Variants in APBA1 observed in about 807,000 individuals in gnomAD.
APBA1 encodes amyloid-beta A4 precursor protein-binding family A member 1.
APBA1 carries 55 observed loss-of-function variants against 86.6 expected under a neutral mutation model. That is an observed-to-expected ratio of 0.64 (90% CI 0.51 to 0.80). The LOEUF (loss-of-function observed/expected upper bound fraction) is 0.80. Among genes scored for constraint, APBA1 ranks in the 30% least tolerant of loss-of-function variants. The pLI, the probability that APBA1 is intolerant of heterozygous loss-of-function variation, is 0.00. For missense variants in APBA1, 1,090 were observed against 1,183.0 expected, an observed-to-expected ratio of 0.92 and a Z score of 1.15; for synonymous variants, 511 against 493.9, an observed-to-expected ratio of 1.03 and a Z score of -0.46.
At chr9:69,546,661 C>T (rs976538320) in intron 1 of APBA1, among the ~76,000 whole-genome samples, 3 of 152,164 alleles carry the variant, frequency 2.0e-5, no homozygotes, top group African/African-American at 4.8e-5. Context: ...ATGTTAAATA[C>T]ACATGGTGGG....
At chr9:69,562,345 C>T (rs1427071374) in intron 1 of APBA1, among the ~76,000 whole-genome samples, 1 of 151,692 alleles carries the variant, frequency 6.6e-6, no homozygotes, top group Non-Finnish European at 1.5e-5. Flanking sequence ...ATTACTAGTA[C>T]CTTCATATAT....
intron 10 of APBA1, among the ~76,000 whole-genome samples, chr9:69,443,900 T>TC (rs1272706111): frequency 2.0e-5 from 3 of 152,170 alleles, no homozygotes; most frequent in East Asian, 3.9e-4. Flanking sequence ...CAAATCTGTG[T>TC]CCCCAAATTC....
chr9:69,431,070 T>G lies in APBA1; in HGVS notation c.*257A>C. 5.1e-6 allele frequency: 2 copies of G among 394,350 alleles called. No individual in the cohort carries two copies. The highest frequency in any genetic ancestry group is 1.2e-4 in the South Asian group (2 of 16,898). The allele number at this position is 394,350 out of a possible 1,614,324, so 24.4% of individuals were successfully genotyped here. The stretch of plus-strand genomic sequence containing the variant: ...CCCAGAAAGCCCTCCAGGATGGTCC[T>G]GGGTCAGTACCAGGTGGGTGCTGGC... On this transcript the variant is annotated 3_prime_UTR_variant, in exon 13 of 13. Transcript: ENST00000265381.
chr9:69,457,174 C>T (rs774389373), intron 6 of APBA1, 35 bp from the exon 7 acceptor site: 3 of 1,534,364 alleles, frequency 2.0e-6, no homozygotes, highest in South Asian at 2.2e-5. Flanking sequence ...GAAAGTTTGA[C>T]CACACTACCC....
intron 1 of APBA1, among the ~76,000 whole-genome samples, chr9:69,547,401 G>C (rs1027749831): frequency 6.6e-6 from 1 of 152,142 alleles, no homozygotes; most frequent in Non-Finnish European, 1.5e-5. Flanking sequence ...TCAGCAGTCA[G>C]CTTCTTTTAG....
At chr9:69,462,042 A>C (rs1216002358) in intron 5 of APBA1, 1 of 152,230 alleles carries the variant, frequency 6.6e-6, no homozygotes, top group Non-Finnish European at 1.5e-5. Context: ...TCTTTGGGAC[A>C]GGCTAGTTAA....
intron 5 of APBA1, among the ~76,000 whole-genome samples, chr9:69,466,756 C>T (rs2133827328): frequency 6.6e-6 from 1 of 152,350 alleles, no homozygotes; most frequent in East Asian, 1.9e-4. Context: ...TGCGGTCTAC[C>T]TGTCCCTCTT....
chr9:69,603,631 G>C (rs1047380660), intron 1 of APBA1, among the ~76,000 whole-genome samples: 9 of 152,228 alleles, frequency 5.9e-5, no homozygotes, highest in Admixed American at 5.9e-4. Flanking sequence ...AAAAGTAAAT[G>C]AAGAAAGAGA....
chr9:69,624,807 G>A (rs1822897752), intron 1 of APBA1, among the ~76,000 whole-genome samples: 1 of 152,166 alleles, frequency 6.6e-6, no homozygotes, highest in Non-Finnish European at 1.5e-5. Flanking sequence ...CAGGTGCAAA[G>A]GTGAGTTTAG....
At chr9:69,570,668 T>C (rs1443820958) in intron 1 of APBA1, among the ~76,000 whole-genome samples, 1 of 152,196 alleles carries the variant, frequency 6.6e-6, no homozygotes, top group Non-Finnish European at 1.5e-5. Context: ...TTTGAGAGAA[T>C]AGCCCCCTTT....
intron 1 of APBA1, among the ~76,000 whole-genome samples, chr9:69,552,398 C>T (rs1019689786): frequency 1.3e-5 from 2 of 152,146 alleles, no homozygotes; most frequent in African/African-American, 4.8e-5. Flanking sequence ...TGAAGATGTC[C>T]TGCACGAAAA....
At chr9:69,529,820 T>C (rs1329604521) in intron 1 of APBA1, among the ~76,000 whole-genome samples, 1 of 151,990 alleles carries the variant, frequency 6.6e-6, no homozygotes, top group East Asian at 1.9e-4. Flanking sequence ...ATATCCAGAA[T>C]CCACAAGGAA....
In APBA1 at chr9:69,605,584, G is replaced by A. The variant is rs78097850; in HGVS notation, c.-70+66569C>T. 3.1e-3 allele frequency among the ~76,000 whole-genome samples: 474 copies of A among 152,260 alleles called. 4 individuals are homozygous for A. Among genetic ancestry groups the A allele is most frequent in the Non-Finnish European group, 5.4e-3 (367 of 68,020 alleles). On this transcript the variant is annotated intron_variant, in intron 1 of 12. Coordinates refer to ENST00000265381, the MANE Select transcript of APBA1 (RefSeq NM_001163.4). The stretch of plus-strand genomic sequence containing the variant: ...TTTATTGTCACAAATGTTAGCTTAC[G>A]TTGTCATTTGGTCTTGGCTGTAAGG...
intron 9 of APBA1, among the ~76,000 whole-genome samples, chr9:69,451,083 C>A (rs1835000101): frequency 6.6e-6 from 1 of 152,210 alleles, no homozygotes; most frequent in Non-Finnish European, 1.5e-5. Flanking sequence ...AATTCATATA[C>A]CCCCTGTCCA....
chr9:69,554,655 A>G (rs1186588347), intron 1 of APBA1, among the ~76,000 whole-genome samples: 2 of 152,190 alleles, frequency 1.3e-5, no homozygotes, highest in Non-Finnish European at 2.9e-5. Flanking sequence ...TCCATGATAC[A>G]CCAGTCAAAA....
chr9:69,569,110 GT>G (rs1423908874), intron 1 of APBA1, among the ~76,000 whole-genome samples: 1 of 152,172 alleles, frequency 6.6e-6, no homozygotes, highest in Non-Finnish European at 1.5e-5. Flanking sequence ...ATCCGCTAGG[GT>G]TTCCGTTTGA....
intron 1 of APBA1, among the ~76,000 whole-genome samples, chr9:69,648,260 T>A (rs2134013774): frequency 6.6e-6 from 1 of 152,276 alleles, no homozygotes; most frequent in East Asian, 1.9e-4. Context: ...TAAAACTCTC[T>A]CCTAGAGACC....
intron 2 of APBA1, among the ~76,000 whole-genome samples, chr9:69,512,664 T>G (rs879356637): frequency 2.0e-5 from 3 of 152,212 alleles, no homozygotes; most frequent in Admixed American, 2.0e-4. Context: ...ATGGGGAAAG[T>G]GCCCAGATAA....
At chr9:69,466,827 G>A (rs1288330693) in intron 5 of APBA1, among the ~76,000 whole-genome samples, 1 of 152,204 alleles carries the variant, frequency 6.6e-6, no homozygotes, top group Admixed American at 6.5e-5. Context: ...GAGAGAGAAG[G>A]TATGAAATAT....
Sources: gnomAD v4.1 joint callset for allele counts (sites outside exome capture counted in the v4.1 genomes callset) on GRCh38, gnomAD v4.1.1 for gene constraint, MANE v1.5 for transcripts, NCBI Gene and HGNC (gene_info 2026-07-23, HGNC 2026-07-21) for gene names.